The following ECT2 variants were observed in gnomAD, a reference collection of about 807,000 sequenced individuals.
ECT2 encodes the protein epithelial cell transforming 2.
In ECT2, 61 loss-of-function variants were observed where a neutral mutation model predicts 116.9. The ratio of observed to expected loss-of-function variants is 0.52; its 90% CI spans 0.42 to 0.65. The LOEUF (loss-of-function observed/expected upper bound fraction) is 0.65. Among genes scored for constraint, ECT2 ranks in the 30% least tolerant of loss-of-function variants. ECT2 has a pLI of 0.00. For synonymous variants in ECT2, 358 were observed against 346.4 expected (o/e 1.03, Z -0.37); for missense variants, 937 against 1,078.7 (o/e 0.87, Z 1.84).
intron 13 of ECT2, among the ~76,000 whole-genome samples, chr3:172,771,928 G>C (rs984963766): frequency 5.3e-5 from 8 of 152,106 alleles, no homozygotes; most frequent in African/African-American, 1.9e-4. Flanking sequence ...TATCTTTTTT[G>C]TTGAAATAAC....
At position 172,820,317 on chromosome 3, in the gene ECT2, A is replaced by G; in HGVS notation, c.*80A>G. On this transcript the variant is annotated 3_prime_UTR_variant, in exon 25 of 25. Coordinates refer to ENST00000392692, the MANE Select transcript of ECT2 (RefSeq NM_001258315.2). The stretch of plus-strand genomic sequence containing the variant: ...AGAAACTGACTTAAATGGTACTTGT[A>G]ATTAGCACTTGGTGAAAGCTGGAAG... The G allele has an allele frequency of 1.1e-6, 1 of 941,880 alleles. No homozygotes were observed. Among genetic ancestry groups the G allele is most frequent in the Non-Finnish European group, 1.5e-6 (1 of 650,832 alleles). The allele number at this position is 941,880 out of a possible 1,614,324, so 58.3% of individuals were successfully genotyped here. A position where few individuals can be genotyped will look rare whatever the true frequency, so the allele number is the denominator to read the frequency against.
At chr3:172,798,489 A>C (rs893652697) in intron 18 of ECT2, among the ~76,000 whole-genome samples, 1 of 152,196 alleles carries the variant, frequency 6.6e-6, no homozygotes, top group African/African-American at 2.4e-5. Context: ...AATTTAAAAA[A>C]CTGTTGGATT....
At chr3:172,804,028 A>T (rs1445745386) in intron 20 of ECT2, among the ~76,000 whole-genome samples, 1 of 151,872 alleles carries the variant, frequency 6.6e-6, no homozygotes, top group Non-Finnish European at 1.5e-5. Context: ...AAACTCCTGG[A>T]CTCAAACAAT....
intron 22 of ECT2, among the ~76,000 whole-genome samples, chr3:172,814,498 T>C (rs895590357): frequency 2.6e-5 from 4 of 152,108 alleles, no homozygotes; most frequent in Admixed American, 2.0e-4. Flanking sequence ...GATTTATAAA[T>C]TTAAAGTGCA....
At chr3:172,770,663 G>C (rs1171406919) in intron 13 of ECT2, among the ~76,000 whole-genome samples, 2 of 152,066 alleles carry the variant, frequency 1.3e-5, no homozygotes, top group Admixed American at 6.6e-5. Flanking sequence ...TCATTAAAGA[G>C]CTTTGTTTTA....
At chr3:172,772,017 A>G (rs1720750147) in intron 13 of ECT2, among the ~76,000 whole-genome samples, 1 of 152,008 alleles carries the variant, frequency 6.6e-6, no homozygotes, top group Non-Finnish European at 1.5e-5. Context: ...AATTTTTGAG[A>G]TAGGGTCTCA....
At position 172,821,198 on chromosome 3, in the gene ECT2, A is replaced by ATTTTG. The variant is rs1380275236; in HGVS notation, c.*961_*962insTTTTG. 6.6e-6 allele frequency: 1 copy of ATTTTG among 151,962 alleles called. No individual in the cohort carries two copies. Among genetic ancestry groups the ATTTTG allele is most frequent in the Non-Finnish European group, 1.5e-5 (1 of 67,846 alleles). The allele number at this position is 151,962 out of a possible 1,614,324, so 9.4% of individuals were successfully genotyped here. A position where few individuals can be genotyped will look rare whatever the true frequency, so the allele number is the denominator to read the frequency against. On this transcript the variant is annotated 3_prime_UTR_variant, in exon 25 of 25. Transcript: ENST00000392692. Reference sequence around the variant, plus strand: ...ATTGAAAATTCATTTGCTGTTTCAAAGTGTGATATCTTTCACAATAGCCTT... The same window carrying ATTTTG: ...ATTGAAAATTCATTTGCTGTTTCAAATTTTGGTGTGATATCTTTCACAATAGCCTT...
chr3:172,789,897 C>A (rs1427131633), intron 18 of ECT2, among the ~76,000 whole-genome samples: 2 of 152,208 alleles, frequency 1.3e-5, no homozygotes, highest in African/African-American at 2.4e-5. Flanking sequence ...GCAATTCCTT[C>A]TGCAATTGAA....
rs761705328 is a variant in ECT2, at chr3:172,755,308, G to A, written c.144G>A (p.Gln48=). The A allele has an allele frequency of 6.2e-7, 1 of 1,603,654 alleles. No homozygotes were observed. The highest frequency in any genetic ancestry group is 8.5e-7 in the Non-Finnish European group (1 of 1,177,488). Residue 48 remains glutamine (Q), a synonymous_variant, in exon 3 of 25, where the codon CAG becomes CAA. Coordinates refer to ENST00000392692, the MANE Select transcript of ECT2 (RefSeq NM_001258315.2). ...ACATTTTAACAGAAGAGATGCCTCAGATTGAAACAAGAGTGATATTGGTTC... is the reference window on the plus strand; with the variant it reads ...ACATTTTAACAGAAGAGATGCCTCAAATTGAAACAAGAGTGATATTGGTTC... ...STSYVEEEMP[Q]IETRVILVQE...
intron 14 of ECT2, among the ~76,000 whole-genome samples, chr3:172,776,469 A>G (rs1464084573): frequency 6.6e-6 from 1 of 152,162 alleles, no homozygotes; most frequent in African/African-American, 2.4e-5. Flanking sequence ...CTCGTAACAC[A>G]TAGCAGTTTT....
chr3:172,812,158 A>G (rs546511256), intron 22 of ECT2, among the ~76,000 whole-genome samples: 2 of 152,034 alleles, frequency 1.3e-5, no homozygotes, highest in South Asian at 4.2e-4. Flanking sequence ...TAATTTTTGT[A>G]TTTTTAGTAG....
At chr3:172,828,334 C>CTGTGTGTGTGTGTG in the ECT2 span, among the ~76,000 whole-genome samples, 872 of 150,246 alleles carry the variant, frequency 5.8e-3, 6 homozygotes, top group African/African-American at 0.015. Flanking sequence ...TACCAACAGG[C>CTGTGTGTGTGTGTG]TGTGTGTGTG....
At chr3:172,766,118 T>C (rs1054646704) in intron 12 of ECT2, among the ~76,000 whole-genome samples, 6 of 152,184 alleles carry the variant, frequency 3.9e-5, no homozygotes, top group Admixed American at 2.6e-4. Context: ...CAGACCCTAG[T>C]ATAAAGTGGG....
rs186194150 is a variant in ECT2 at position 172,775,539 on chromosome 3, T to C, written c.1548+1517T>C. Among the ~76,000 whole-genome samples the C allele has an allele frequency of 2.6e-3, 399 of 152,334 alleles. 1 individual carries two copies. Among genetic ancestry groups the C allele is most frequent in the African/African-American group, 9.2e-3 (381 of 41,570 alleles). Reference sequence around the variant, plus strand: ...TATTCCAATTAGGATTCTGAATTTTTGAAGAGGAAAGTACTCTTGGAATAT... The same window carrying C: ...TATTCCAATTAGGATTCTGAATTTTCGAAGAGGAAAGTACTCTTGGAATAT... On this transcript the variant is annotated intron_variant, in intron 14 of 24. Transcript: ENST00000392692.
intron 18 of ECT2, among the ~76,000 whole-genome samples, chr3:172,795,205 G>C (rs1049502985): frequency 4.6e-5 from 7 of 151,890 alleles, no homozygotes; most frequent in South Asian, 2.1e-4. Context: ...GTGTGCGCCT[G>C]TAGTTCCAGC....
intron 14 of ECT2, among the ~76,000 whole-genome samples, chr3:172,777,965 A>G (rs957556609): frequency 5.9e-5 from 9 of 152,220 alleles, no homozygotes; most frequent in African/African-American, 2.2e-4. Context: ...TTTTATATAT[A>G]TCTGTTGTTA....
At chr3:172,760,376 T>A (rs1363798207) in intron 7 of ECT2, 113 bp downstream of exon 7, 1 of 552,704 alleles carries the variant, frequency 1.8e-6, no homozygotes, top group African/African-American at 2.0e-5. Context: ...GAAACTCAAT[T>A]TTTGCTATGA....
chr3:172,805,930 AT>A, intron 21 of ECT2, 61 bp downstream of exon 21: 1 of 1,539,186 alleles, frequency 6.5e-7, no homozygotes, highest in Non-Finnish European at 8.8e-7. Flanking sequence ...TGTAGGTTTA[AT>A]TTACTCCATT....
intron 12 of ECT2, among the ~76,000 whole-genome samples, chr3:172,765,658 C>T (rs560353426): frequency 2.0e-5 from 3 of 152,246 alleles, no homozygotes; most frequent in Admixed American, 1.3e-4. Flanking sequence ...CTATATGCAA[C>T]ACTTAGAAAA....
Sources: gnomAD v4.1 joint callset for allele counts (sites outside exome capture counted in the v4.1 genomes callset) on GRCh38, gnomAD v4.1.1 for gene constraint, MANE v1.5 for transcripts, NCBI Gene and HGNC (gene_info 2026-07-23, HGNC 2026-07-21) for gene names.